The following CD82 variants were observed in gnomAD, a reference collection of about 807,000 sequenced individuals.
CD82 encodes the protein CD82 molecule, also known as CD82 antigen.
In CD82, 36 loss-of-function variants were observed where a neutral mutation model predicts 37.4. The observed-to-expected ratio is 0.96, with a 90% CI of 0.74 to 1.27. The LOEUF (loss-of-function observed/expected upper bound fraction) is 1.27, where lower values mean the gene tolerates loss of function less well. Among genes scored for constraint, CD82 ranks in the 50% most tolerant of loss-of-function variants. CD82 has a pLI of 0.00. For synonymous variants in CD82, 158 were observed against 137.4 expected (o/e 1.15, Z -1.05); for missense variants, 340 against 347.0 (o/e 0.98, Z 0.16).
At chr11:44,598,951 C>T (rs1286910748) in intron 3 of CD82, among the ~76,000 whole-genome samples, 1 of 152,332 alleles carries the variant, frequency 6.6e-6, no homozygotes, top group Admixed American at 6.5e-5. Context: ...TGGGTTGACA[C>T]AGGGCCACCC....
chr11:44,589,594 C>T (rs1021071447), intron 2 of CD82, among the ~76,000 whole-genome samples: 14 of 152,230 alleles, frequency 9.2e-5, no homozygotes, highest in African/African-American at 3.1e-4. Flanking sequence ...CTGTACCAGG[C>T]GCTGACCTCA....
chr11:44,595,224 C>A (rs1853205360), intron 3 of CD82, among the ~76,000 whole-genome samples: 1 of 151,694 alleles, frequency 6.6e-6, no homozygotes, highest in African/African-American at 2.4e-5. Context: ...AGGCGTGGGG[C>A]CAGTGAAGGG....
intron 1 of CD82, among the ~76,000 whole-genome samples, chr11:44,579,453 A>G (rs1852949189): frequency 6.6e-6 from 1 of 151,816 alleles, no homozygotes; most frequent in Non-Finnish European, 1.5e-5. Context: ...TCCTGGTGAG[A>G]CCTGACAGGG....
chr11:44,614,359 G>T (rs1365233171), intron 6 of CD82, among the ~76,000 whole-genome samples: 1 of 152,236 alleles, frequency 6.6e-6, no homozygotes, highest in Non-Finnish European at 1.5e-5. Context: ...CCCTGAAGCT[G>T]CCCTGTGGGA....
intron 6 of CD82, among the ~76,000 whole-genome samples, chr11:44,609,222 C>T (rs981797326): frequency 4.6e-5 from 7 of 152,184 alleles, no homozygotes; most frequent in African/African-American, 1.7e-4. Context: ...GGATAAGTTA[C>T]CCAGACTCTC....
At chr11:44,577,248 G>C (rs551668562) in intron 1 of CD82, among the ~76,000 whole-genome samples, 4 of 152,320 alleles carry the variant, frequency 2.6e-5, no homozygotes, top group South Asian at 2.1e-4. Context: ...CCTGGGAACT[G>C]TGCTTGTCCT....
At chr11:44,566,541 CA>C (rs979871643) in intron 1 of CD82, among the ~76,000 whole-genome samples, 2 of 152,208 alleles carry the variant, frequency 1.3e-5, no homozygotes, top group Non-Finnish European at 2.9e-5. Flanking sequence ...AGTAGCGGGG[CA>C]GCATAGTTCT....
At chr11:44,585,659 G>A (rs924462475) in intron 1 of CD82, among the ~76,000 whole-genome samples, 1 of 152,228 alleles carries the variant, frequency 6.6e-6, no homozygotes, top group Admixed American at 6.5e-5. Flanking sequence ...AGCCAGGGGT[G>A]GGAGCCAAGG....
intron 1 of CD82, among the ~76,000 whole-genome samples, chr11:44,572,739 A>C (rs929039449): frequency 6.6e-6 from 1 of 152,232 alleles, no homozygotes; most frequent in Non-Finnish European, 1.5e-5. Flanking sequence ...CTTAATGACC[A>C]TTCTGAGCCT....
chr11:44,612,047 A>G (rs1265996667), intron 6 of CD82, among the ~76,000 whole-genome samples: 1 of 152,148 alleles, frequency 6.6e-6, no homozygotes, highest in African/African-American at 2.4e-5. Context: ...GCTTCTAGAG[A>G]GCCCCTCCTT....
chr11:44,570,058 G>A (rs1253030417), intron 1 of CD82, among the ~76,000 whole-genome samples: 1 of 152,194 alleles, frequency 6.6e-6, no homozygotes, highest in African/African-American at 2.4e-5. Context: ...GGCCCCCAGG[G>A]ACACTCCCAG....
intron 6 of CD82, among the ~76,000 whole-genome samples, chr11:44,614,765 A>C (rs1853536863): frequency 6.6e-6 from 1 of 152,160 alleles, no homozygotes; most frequent in South Asian, 2.1e-4. Context: ...CAGAGCCCTG[A>C]AGGAAGCAGA....
intron 2 of CD82, among the ~76,000 whole-genome samples, chr11:44,592,200 G>A (rs1391202151): frequency 6.6e-6 from 1 of 152,176 alleles, no homozygotes; most frequent in Non-Finnish European, 1.5e-5. Flanking sequence ...GCTGGAAAGT[G>A]TAGAAACCCC....
At chr11:44,616,600 C>A (rs1853568130) in intron 7 of CD82, among the ~76,000 whole-genome samples, 1 of 152,190 alleles carries the variant, frequency 6.6e-6, no homozygotes, top group Admixed American at 6.5e-5. Context: ...GCTAACACTG[C>A]CACAGCCGCT....
chr11:44,572,426 A>G (rs1852827087), intron 1 of CD82, among the ~76,000 whole-genome samples: 1 of 152,258 alleles, frequency 6.6e-6, no homozygotes, highest in Non-Finnish European at 1.5e-5. Flanking sequence ...AACATACCAC[A>G]CATATTTGAA....
chr11:44,608,343 C>T (rs1853429651), intron 6 of CD82, among the ~76,000 whole-genome samples: 1 of 152,170 alleles, frequency 6.6e-6, no homozygotes, highest in Non-Finnish European at 1.5e-5. Flanking sequence ...CCACTCTTCT[C>T]AGGGCAGCGA....
chr11:44,611,262 G>A (rs1379181425), intron 6 of CD82, among the ~76,000 whole-genome samples: 1 of 152,242 alleles, frequency 6.6e-6, no homozygotes, highest in African/African-American at 2.4e-5. Context: ...AGTAGCCAGA[G>A]CCAGCAGAAG....
chr11:44,585,848 C>G (rs550419695), intron 1 of CD82, among the ~76,000 whole-genome samples: 1 of 152,356 alleles, frequency 6.6e-6, no homozygotes, highest in African/African-American at 2.4e-5. Context: ...TCTGCCTCCT[C>G]TGAAAAACGC....
rs56665683 is a variant in CD82 at position 44,590,610 on chromosome 11, C to CAAAAAAAAAAAAAAAAAAAAAAA, written c.-21+3074_-21+3075insAAAAAAAAAAAAAAAAAAAAAAA. Among the ~76,000 whole-genome samples the CAAAAAAAAAAAAAAAAAAAAAAA allele has an allele frequency of 3.6e-4, 12 of 33,454 alleles. 1 individual carries two copies. Among genetic ancestry groups the CAAAAAAAAAAAAAAAAAAAAAAA allele is most frequent in the South Asian group, 2.4e-3 (1 of 418 alleles). 21.9% of individuals were successfully genotyped at this position (33,454 alleles called of 152,430 possible). A position where few individuals can be genotyped will look rare whatever the true frequency, so the allele number is the denominator to read the frequency against. On this transcript the variant is annotated intron_variant, in intron 2 of 9. Transcript: ENST00000227155. ...TGGGCAACAGAGGGAGATTCTGTCT[C>CAAAAAAAAAAAAAAAAAAAAAAA]AAAAAAAAAAAAAAAAAAAAGATGA... is the stretch of plus-strand genomic sequence containing the variant.
Sources: allele counts gnomAD v4.1 joint callset (sites outside exome capture counted in the v4.1 genomes callset), GRCh38; gene constraint gnomAD v4.1.1; transcripts MANE v1.5; gene names NCBI Gene and HGNC (gene_info 2026-07-23, HGNC 2026-07-21).